DNM3: variants seen among roughly 807,000 people sequenced by gnomAD.
DNM3 encodes the protein dynamin 3.
In DNM3, 47 loss-of-function variants were observed where a neutral mutation model predicts 101.6. That is an observed-to-expected ratio of 0.46 (90% CI 0.37 to 0.59). The LOEUF (loss-of-function observed/expected upper bound fraction) is 0.59. Among genes scored for constraint, DNM3 ranks in the 20% least tolerant of loss-of-function variants. DNM3 has a pLI of 0.00. For synonymous variants in DNM3, 385 were observed against 387.9 expected (o/e 0.99, Z 0.09); for missense variants, 849 against 1,085.7 (o/e 0.78, Z 3.06).
intron 10 of DNM3, among the ~76,000 whole-genome samples, chr1:172,062,356 G>A (rs994032571): frequency 1.4e-4 from 22 of 151,982 alleles, no homozygotes; most frequent in African/African-American, 3.6e-4. Flanking sequence ...ACTACTCTGC[G>A]GCACCCAAGT....
At chr1:172,212,536 C>G (rs911514835) in intron 14 of DNM3, among the ~76,000 whole-genome samples, 17 of 152,172 alleles carry the variant, frequency 1.1e-4, no homozygotes, top group Non-Finnish European at 7.4e-5. Flanking sequence ...CATTCACAAG[C>G]ATTACATTTT....
intron 15 of DNM3, among the ~76,000 whole-genome samples, chr1:172,284,692 A>G (rs770182681): frequency 6.6e-6 from 1 of 152,208 alleles, no homozygotes; most frequent in African/African-American, 2.4e-5. Flanking sequence ...GACACTTGGC[A>G]TGGAAGTCTC....
chr1:171,891,781 T>C (rs1260707170), intron 1 of DNM3, among the ~76,000 whole-genome samples: 1 of 152,218 alleles, frequency 6.6e-6, no homozygotes, highest in Non-Finnish European at 1.5e-5. Flanking sequence ...CAAAGGAGCA[T>C]ACTGTTAGTG....
At chr1:171,969,784 A>C (rs967050631) in intron 2 of DNM3, among the ~76,000 whole-genome samples, 1 of 152,144 alleles carries the variant, frequency 6.6e-6, no homozygotes, top group African/African-American at 2.4e-5. Flanking sequence ...CTGGGCCCTA[A>C]TAAATATATG....
chr1:172,297,310 T>C (rs943228384), intron 15 of DNM3, among the ~76,000 whole-genome samples: 3 of 152,160 alleles, frequency 2.0e-5, no homozygotes, highest in Admixed American at 6.5e-5. Flanking sequence ...TTGCATATAA[T>C]ATTTTAATTT....
intron 2 of DNM3, among the ~76,000 whole-genome samples, chr1:171,954,167 A>G (rs1282508896): frequency 6.6e-6 from 1 of 152,168 alleles, no homozygotes; most frequent in Non-Finnish European, 1.5e-5. Flanking sequence ...GTAACTGCCA[A>G]ATTTTTTTTC....
intron 4 of DNM3, among the ~76,000 whole-genome samples, chr1:172,009,008 C>T (rs1572062866): frequency 7.4e-6 from 1 of 134,360 alleles, no homozygotes. Flanking sequence ...TTATATATAA[C>T]ATGCATGTAC....
chr1:172,124,963 A>G (rs979543160), intron 13 of DNM3, among the ~76,000 whole-genome samples: 1 of 152,244 alleles, frequency 6.6e-6, no homozygotes, highest in South Asian at 2.1e-4. Flanking sequence ...AGGACAAGTA[A>G]CCTGTATCCT....
At chr1:172,135,925 A>G (rs1423874308) in intron 14 of DNM3, among the ~76,000 whole-genome samples, 1 of 152,132 alleles carries the variant, frequency 6.6e-6, no homozygotes, top group Non-Finnish European at 1.5e-5. Context: ...AAATCTCTGA[A>G]GAAAGAGGAC....
At chr1:172,325,710 T>G (rs2065912155) in intron 17 of DNM3, among the ~76,000 whole-genome samples, 1 of 152,180 alleles carries the variant, frequency 6.6e-6, no homozygotes, top group African/African-American at 2.4e-5. Context: ...GGAATGCTTG[T>G]TCTGAGTTGT....
intron 15 of DNM3, among the ~76,000 whole-genome samples, chr1:172,288,912 A>G (rs1331363505): frequency 6.6e-6 from 1 of 152,180 alleles, no homozygotes; most frequent in Non-Finnish European, 1.5e-5. Flanking sequence ...TTTCTCATAG[A>G]AAGTTATCTT....
intron 20 of DNM3, chr1:172,389,310 T>A (rs2069385641): frequency 6.3e-6 from 1 of 157,606 alleles, no homozygotes; most frequent in African/African-American, 2.4e-5. Context: ...GGCTGATTGA[T>A]CTGCAATTGT....
chr1:172,358,334 A>G (rs901762145), intron 17 of DNM3, among the ~76,000 whole-genome samples: 2 of 152,062 alleles, frequency 1.3e-5, no homozygotes, highest in Non-Finnish European at 2.9e-5. Context: ...ACTAAAGTAA[A>G]AGAAATAATT....
chr1:172,057,222 T>A (rs1317417823), intron 10 of DNM3, among the ~76,000 whole-genome samples: 1 of 152,192 alleles, frequency 6.6e-6, no homozygotes, highest in Non-Finnish European at 1.5e-5. Flanking sequence ...ATCTGACTGG[T>A]GTACCTGAAA....
At chr1:172,130,917 T>C in intron 13 of DNM3, among the ~76,000 whole-genome samples, 1 of 152,178 alleles carries the variant, frequency 6.6e-6, no homozygotes, top group Non-Finnish European at 1.5e-5. Context: ...CACTTCATTC[T>C]TGTTTCAGTC....
At chr1:171,932,448 T>C (rs1273356567) in intron 2 of DNM3, among the ~76,000 whole-genome samples, 1 of 152,016 alleles carries the variant, frequency 6.6e-6, no homozygotes, top group Non-Finnish European at 1.5e-5. Context: ...CATGAGCCAC[T>C]GCACTCCCCA....
At chr1:172,191,168 T>C (rs1420502388) in intron 14 of DNM3, among the ~76,000 whole-genome samples, 5 of 152,244 alleles carry the variant, frequency 3.3e-5, no homozygotes, top group Admixed American at 2.0e-4. Flanking sequence ...TTTAAGTCTT[T>C]TAACCATCTT....
chr1:171,884,162 T>C (rs372272915), intron 1 of DNM3, among the ~76,000 whole-genome samples: 2 of 152,200 alleles, frequency 1.3e-5, no homozygotes, highest in African/African-American at 2.4e-5. Flanking sequence ...TAATATCCTA[T>C]AGTTTGTTAG....
intron 13 of DNM3, among the ~76,000 whole-genome samples, chr1:172,103,000 C>A (rs990623154): frequency 3.9e-5 from 6 of 152,034 alleles, no homozygotes; most frequent in Non-Finnish European, 8.8e-5. Flanking sequence ...TTACTTGTAT[C>A]CAAAGTACAT....
Sources: allele counts gnomAD v4.1 joint callset (sites outside exome capture counted in the v4.1 genomes callset), GRCh38; gene constraint gnomAD v4.1.1; transcripts MANE v1.5; gene names NCBI Gene and HGNC (gene_info 2026-07-23, HGNC 2026-07-21).